The following RBMS3 variants were observed in gnomAD, a reference collection of about 807,000 sequenced individuals.
RBMS3 encodes RNA binding motif single stranded interacting protein 3.
Under a neutral mutation model 66.8 loss-of-function variants are expected in RBMS3, and 27 were observed. That is an observed-to-expected ratio of 0.40 (90% CI 0.30 to 0.56). The LOEUF is 0.56. Ranked by LOEUF, RBMS3 falls within the 20% of genes least tolerant of loss-of-function variation. RBMS3 has a pLI of 0.40. For synonymous variants in RBMS3, 188 were observed against 183.0 expected (o/e 1.03, Z -0.22); for missense variants, 513 against 549.5 (o/e 0.93, Z 0.66).
chr3:29,954,687 T>C (rs1344933780), intron 12 of RBMS3, among the ~76,000 whole-genome samples: 1 of 152,022 alleles, frequency 6.6e-6, no homozygotes, highest in Non-Finnish European at 1.5e-5. Flanking sequence ...TCCTTTTTCA[T>C]GTAGATCCTA....
chr3:29,592,806 C>T (rs1417235870), intron 4 of RBMS3, among the ~76,000 whole-genome samples: 2 of 152,002 alleles, frequency 1.3e-5, no homozygotes, highest in African/African-American at 2.4e-5. Context: ...GGCACATATA[C>T]ACCATGGAAT....
intron 3 of RBMS3, among the ~76,000 whole-genome samples, chr3:29,493,203 A>G (rs146847557): frequency 1.7e-3 from 266 of 152,306 alleles, no homozygotes; most frequent in Non-Finnish European, 3.2e-3. Context: ...GCCTAGAAAA[A>G]TGTTTATTAT....
chr3:29,646,794 G>A (rs1016646882), intron 4 of RBMS3, among the ~76,000 whole-genome samples: 1 of 151,766 alleles, frequency 6.6e-6, no homozygotes, highest in African/African-American at 2.4e-5. Context: ...AAAGGGAGGA[G>A]AGTTTAAAAT....
chr3:29,831,843 A>G (rs1056040237), intron 6 of RBMS3, among the ~76,000 whole-genome samples: 10 of 150,356 alleles, frequency 6.7e-5, no homozygotes, highest in South Asian at 4.2e-4. Context: ...TTCACCCTCA[A>G]TTTCTGAGGG....
At chr3:29,997,447 C>T (rs184638605) in intron 14 of RBMS3, among the ~76,000 whole-genome samples, 32 of 149,084 alleles carry the variant, frequency 2.1e-4, no homozygotes, top group East Asian at 5.9e-4. Context: ...ATACCAAAGC[C>T]GGGCAGAGAC....
chr3:29,811,181 TAATC>T (rs2057719616), intron 6 of RBMS3, among the ~76,000 whole-genome samples: 1 of 152,152 alleles, frequency 6.6e-6, no homozygotes, highest in Non-Finnish European at 1.5e-5. Flanking sequence ...TCAGGTGGTG[TAATC>T]TTCAGGTAAT....
At chr3:29,962,225 G>A (rs1696512627) in intron 12 of RBMS3, among the ~76,000 whole-genome samples, 2 of 151,160 alleles carry the variant, frequency 1.3e-5, no homozygotes, top group Admixed American at 6.6e-5. Context: ...CCCTATTTGA[G>A]TTTATCCAGT....
intron 2 of RBMS3, among the ~76,000 whole-genome samples, chr3:29,486,727 T>TTGTTTCATATTATC (rs2043335036): frequency 6.6e-6 from 1 of 152,194 alleles, no homozygotes; most frequent in South Asian, 2.1e-4. Flanking sequence ...TGACTATTGT[T>TTGTTTCATATTATC]AACAGTCCAG....
At chr3:29,336,011 C>G (rs1052409092) in intron 1 of RBMS3, among the ~76,000 whole-genome samples, 1 of 152,060 alleles carries the variant, frequency 6.6e-6, no homozygotes, top group Non-Finnish European at 1.5e-5. Context: ...AACTGATCAG[C>G]CTTTCCGGTT....
At chr3:29,286,415 G>T (rs561296868) in intron 1 of RBMS3, among the ~76,000 whole-genome samples, 85 of 151,922 alleles carry the variant, frequency 5.6e-4, no homozygotes, top group African/African-American at 1.8e-3. Flanking sequence ...ACTGAGTTTG[G>T]TGCCTACTTA....
intron 1 of RBMS3, among the ~76,000 whole-genome samples, chr3:29,399,012 C>T (rs1178956285): frequency 5.9e-5 from 9 of 152,072 alleles, no homozygotes; most frequent in Admixed American, 5.9e-4. Context: ...TTTGATATTC[C>T]CAGGCTGCCA....
intron 2 of RBMS3, among the ~76,000 whole-genome samples, chr3:29,481,434 G>T (rs930776678): frequency 6.6e-6 from 1 of 152,194 alleles, no homozygotes; most frequent in African/African-American, 2.4e-5. Flanking sequence ...GAAGTTGATG[G>T]CAGTGAGAAC....
chr3:29,295,483 A>G lies in RBMS3; in HGVS notation c.75+13727A>G, dbSNP rs144015156. Among the ~76,000 whole-genome samples, 42 of 151,114 alleles carry G rather than the reference A, an allele frequency of 2.8e-4. No homozygotes were observed. The East Asian group carries it at 8.2e-3, about 30-fold the overall frequency. On this transcript the variant is annotated intron_variant, in intron 1 of 14. Coordinates refer to ENST00000383767, the MANE Select transcript of RBMS3 (RefSeq NM_001003793.3). ...ATTCAAGATACAGCGGGAAAATGTT[A>G]ATAATCTCCCTCAATACACTACACA... is the stretch of plus-strand genomic sequence containing the variant.
At chr3:29,384,710 C>T (rs1323765587) in intron 1 of RBMS3, among the ~76,000 whole-genome samples, 1 of 152,174 alleles carries the variant, frequency 6.6e-6, no homozygotes, top group Non-Finnish European at 1.5e-5. Context: ...TGAGAAGAGA[C>T]ATGACTGTTT....
intron 1 of RBMS3, among the ~76,000 whole-genome samples, chr3:29,352,644 A>G (rs180790780): frequency 6.6e-5 from 10 of 152,114 alleles, no homozygotes; most frequent in Non-Finnish European, 1.3e-4. Context: ...TTGTTGTTAA[A>G]CATAGTCACT....
chr3:29,751,287 T>G (rs532818330), intron 5 of RBMS3, among the ~76,000 whole-genome samples: 52 of 152,304 alleles, frequency 3.4e-4, no homozygotes, highest in African/African-American at 1.2e-3. Context: ...TAATAAAACA[T>G]TATGACCAAA....
intron 2 of RBMS3, among the ~76,000 whole-genome samples, chr3:29,465,546 T>A (rs2042514428): frequency 1.3e-5 from 2 of 151,858 alleles, no homozygotes; most frequent in African/African-American, 4.8e-5. Context: ...GCCCTTATTT[T>A]TTTTTTTTTT....
chr3:29,849,286 C>A (rs188097125), intron 6 of RBMS3, among the ~76,000 whole-genome samples: 34 of 151,504 alleles, frequency 2.2e-4, no homozygotes, highest in African/African-American at 7.8e-4. Context: ...GAGGCCCAGG[C>A]GGGTGGATCA....
intron 1 of RBMS3, among the ~76,000 whole-genome samples, chr3:29,377,488 G>A (rs557927555): frequency 6.6e-6 from 1 of 152,180 alleles, no homozygotes; most frequent in South Asian, 2.1e-4. Flanking sequence ...TTATGACCCC[G>A]CTGCCTACCT....
Sources: allele counts gnomAD v4.1 joint callset (sites outside exome capture counted in the v4.1 genomes callset), GRCh38; gene constraint gnomAD v4.1.1; transcripts MANE v1.5; gene names NCBI Gene and HGNC (gene_info 2026-07-23, HGNC 2026-07-21).